Variants in SLC33A1 observed in about 807,000 individuals in gnomAD.
SLC33A1 encodes the protein solute carrier family 33 member 1.
A neutral mutation model predicts 50.0 loss-of-function variants in SLC33A1; 20 were observed. The ratio of observed to expected loss-of-function variants is 0.40; its 90% CI spans 0.28 to 0.58. The LOEUF is 0.58. Ranked by LOEUF, SLC33A1 falls within the 20% of genes least tolerant of loss-of-function variation. The pLI is 0.44. For synonymous variants in SLC33A1, 265 were observed against 251.8 expected, an observed-to-expected ratio of 1.05 and a Z score of -0.50; for missense variants, 476 against 657.0, an observed-to-expected ratio of 0.72 and a Z score of 3.01.
chr3:155,836,280 C>CAAAAAAAAAAAAAAAA (rs57460942), intron 2 of SLC33A1, among the ~76,000 whole-genome samples: 8 of 27,170 alleles, frequency 2.9e-4, no homozygotes, highest in Non-Finnish European at 5.1e-4. Flanking sequence ...GAGACTCTGT[C>CAAAAAAAAAAAAAAAA]AAAAAAAAAA....
At chr3:155,835,982 T>C (rs1301707047) in intron 2 of SLC33A1, among the ~76,000 whole-genome samples, 1 of 151,970 alleles carries the variant, frequency 6.6e-6, no homozygotes, top group Non-Finnish European at 1.5e-5. Context: ...CACAATTTTT[T>C]TTTTTTTAAA....
At chr3:155,840,767 T>C (rs1293146705) in intron 2 of SLC33A1, among the ~76,000 whole-genome samples, 1 of 151,994 alleles carries the variant, frequency 6.6e-6, no homozygotes, top group Admixed American at 6.6e-5. Flanking sequence ...TAAGCCGAGA[T>C]AGGGCCATTG....
In SLC33A1 at chr3:155,823,346, T is replaced by C. The variant is rs1752132046; in HGVS notation, c.*4864A>G. On this transcript the variant is annotated 3_prime_UTR_variant, in exon 6 of 6. Transcript: ENST00000643144. ...ACCAAATGGTGATTACATAAAAAAT[T>C]TGGCATTGTCAAATCAGGCAGATAC... The C allele has an allele frequency of 2.0e-5, 3 of 152,210 alleles. No homozygotes were observed. The South Asian group carries it at 6.2e-4, about 32-fold the overall frequency. 9.4% of individuals were successfully genotyped at this position (152,210 alleles called of 1,614,324 possible).
intron 1 of SLC33A1, among the ~76,000 whole-genome samples, chr3:155,852,091 T>C (rs776062300): frequency 4.6e-5 from 7 of 152,204 alleles, no homozygotes; most frequent in Admixed American, 2.0e-4. Context: ...ATTCCTGACA[T>C]TGTTATTCCT....
chr3:155,842,469 G>A lies in SLC33A1; in HGVS notation c.926C>T (p.Ala309Val). ...AATCAGAAGGCAAAATGTCAGAACT[G>A]CTGGCATTTTTATAATTGCAAAAAG... Reference protein sequence around the residue: ...KLLFAIIKMPAVLTFCLLILT... With the variant: ...KLLFAIIKMPVVLTFCLLILT... The change falls in exon 2 of 6, where the codon GCA becomes GTA. Residue 309 changes from alanine to valine, a missense_variant. Physicochemically the swap from Ala to Val is moderately conservative, Grantham distance 64. Coordinates refer to ENST00000643144, the MANE Select transcript of SLC33A1 (RefSeq NM_004733.4). The A allele has an allele frequency of 1.2e-6, 2 of 1,612,124 alleles. No individual in the cohort carries two copies. Among genetic ancestry groups the A allele is most frequent in the South Asian group, 2.2e-5 (2 of 90,896 alleles).
chr3:155,853,814 A>C lies in SLC33A1; in HGVS notation c.184T>G (p.Leu62Val). ...LLGDTGTGDFLKAPQSFRAEL... is the reference protein window; with the variant it reads ...LLGDTGTGDFVKAPQSFRAEL... Reference sequence around the variant, plus strand: ...GCCCGGAAGCTCTGTGGGGCTTTTAAGAAGTCGCCAGTGCCGGTATCCCCC... The same window carrying C: ...GCCCGGAAGCTCTGTGGGGCTTTTACGAAGTCGCCAGTGCCGGTATCCCCC... The change falls in exon 1 of 6, where the codon TTA (leucine) becomes GTA (valine). Residue 62 changes from leucine (L) to valine (V), a missense_variant. By Grantham distance (32) the Leu-to-Val change is conservative (BLOSUM62 1). Coordinates refer to ENST00000643144, the MANE Select transcript of SLC33A1 (RefSeq NM_004733.4). 1 of 1,611,274 alleles carries C rather than the reference A, an allele frequency of 6.2e-7. No homozygotes were observed. The highest frequency in any genetic ancestry group is 1.1e-5 in the South Asian group (1 of 91,018).
At chr3:155,842,382 G>T in intron 2 of SLC33A1, 50 bp downstream of exon 2, 2 of 1,172,040 alleles carry the variant, frequency 1.7e-6, no homozygotes, top group Non-Finnish European at 2.5e-6. Flanking sequence ...AGTATTCCAT[G>T]ATATTGATAC....
chr3:155,854,286 G>C lies in SLC33A1; in HGVS notation c.-289C>G, dbSNP rs1753538454. ...AGCAGCGCCGGGCTCGAGGCTGGAG[G>C]TGTGTGCCGTGGTGCCAGGATGGAA... On this transcript the variant is annotated 5_prime_UTR_variant, in exon 1 of 6. Coordinates refer to ENST00000643144, the MANE Select transcript of SLC33A1 (RefSeq NM_004733.4). The C allele has an allele frequency of 6.3e-6, 2 of 316,102 alleles. No individual in the cohort carries two copies. Among genetic ancestry groups the C allele is most frequent in the Middle Eastern group, 8.4e-4 (1 of 1,194 alleles). 19.6% of individuals were successfully genotyped at this position (316,102 alleles called of 1,614,324 possible).
At chr3:155,851,392 C>T (rs374199307) in intron 1 of SLC33A1, among the ~76,000 whole-genome samples, 5 of 143,790 alleles carry the variant, frequency 3.5e-5, no homozygotes, top group East Asian at 2.1e-4. Context: ...TACAGGCCTT[C>T]GCAAAACACC....
chr3:155,841,153 C>A (rs1241789322), intron 2 of SLC33A1, among the ~76,000 whole-genome samples: 1 of 151,974 alleles, frequency 6.6e-6, no homozygotes, highest in Non-Finnish European at 1.5e-5. Flanking sequence ...GCAAACTCCA[C>A]CTCCCAGGCT....
rs2109298526 is a variant in SLC33A1, at chr3:155,825,435, T to G, written c.*2775A>C. ...CCTCCTAAAGTGTTGTGATTACAGG[T>G]GTGAGCCACAGCATCCAGCCTAAGG... On this transcript the variant is annotated 3_prime_UTR_variant, in exon 6 of 6. Coordinates refer to ENST00000643144, the MANE Select transcript of SLC33A1 (RefSeq NM_004733.4). 1 of 152,278 alleles carries G rather than the reference T, an allele frequency of 6.6e-6. No homozygotes were observed. The highest frequency in any genetic ancestry group is 6.6e-5 in the Admixed American group (1 of 15,266). 9.4% of individuals were successfully genotyped at this position (152,278 alleles called of 1,614,324 possible). A position where few individuals can be genotyped will look rare whatever the true frequency, so the allele number is the denominator to read the frequency against.
At chr3:155,831,457 C>CAAAAAAAAAAAAAAAAAAAAA (rs397991448) in intron 4 of SLC33A1, among the ~76,000 whole-genome samples, 5 of 46,714 alleles carry the variant, frequency 1.1e-4, no homozygotes, top group Admixed American at 3.6e-4. Context: ...GACTCTGTCT[C>CAAAAAAAAAAAAAAAAAAAAA]AAAAAAAAAA....
At chr3:155,853,166 A>G in intron 1 of SLC33A1, 57 bp downstream of exon 1, 1 of 1,464,290 alleles carries the variant, frequency 6.8e-7, no homozygotes, top group Non-Finnish European at 9.6e-7. Context: ...CTCCAACGTC[A>G]CACACTCTTT....
At chr3:155,840,215 G>GT (rs1279558963) in intron 2 of SLC33A1, among the ~76,000 whole-genome samples, 1 of 151,336 alleles carries the variant, frequency 6.6e-6, no homozygotes, top group East Asian at 2.1e-4. Flanking sequence ...ATCCTCCCGA[G>GT]TAGCTGGGCT....
chr3:155,853,598 C>T lies in SLC33A1; in HGVS notation c.400G>A (p.Val134Ile). ...GATTTGCGACGACCGAAGTTCTTAACGTAGACCGCATCAACCAACGGGGCC... is the reference window on the plus strand; with the variant it reads ...GATTTGCGACGACCGAAGTTCTTAATGTAGACCGCATCAACCAACGGGGCC... ...LWAPLVDAVY[V>I]KNFGRRKSWL... Residue 134 changes from valine to isoleucine, a missense_variant, in exon 1 of 6, where the codon GTT (valine) becomes ATT (isoleucine). Val to Ile is a conservative substitution (Grantham distance 29). Transcript: ENST00000643144. The T allele has an allele frequency of 3.7e-6, 6 of 1,614,156 alleles. No homozygotes were observed. Among genetic ancestry groups the T allele is most frequent in the South Asian group, 1.1e-5 (1 of 91,084 alleles).
At chr3:155,850,685 C>T (rs1345090855) in intron 1 of SLC33A1, among the ~76,000 whole-genome samples, 2 of 151,418 alleles carry the variant, frequency 1.3e-5, no homozygotes, top group South Asian at 4.2e-4. Context: ...GGTGCGATCT[C>T]GGTTCACTGC....
rs1405726664 is a variant in SLC33A1 at position 155,824,794 on chromosome 3, G to A, written c.*3416C>T. ...CCAGAGTTTCACAAGCAATTCAGGG[G>A]TTTTTCCCACAGACATCAAAAACCT... On this transcript the variant is annotated 3_prime_UTR_variant, in exon 6 of 6. Transcript: ENST00000643144. 6.6e-6 allele frequency: 1 copy of A among 152,058 alleles called. No homozygotes were observed. Among genetic ancestry groups the A allele is most frequent in the Non-Finnish European group, 1.5e-5 (1 of 68,008 alleles). 9.4% of individuals were successfully genotyped at this position (152,058 alleles called of 1,614,324 possible). A position where few individuals can be genotyped will look rare whatever the true frequency, so the allele number is the denominator to read the frequency against.
At chr3:155,838,303 C>CAA (rs796782402) in intron 2 of SLC33A1, among the ~76,000 whole-genome samples, 35 of 130,648 alleles carry the variant, frequency 2.7e-4, no homozygotes, top group African/African-American at 8.8e-4. Flanking sequence ...AAATCCATCT[C>CAA]AAAAAAAAAA....
intron 1 of SLC33A1, 60 bp downstream of exon 1, chr3:155,853,163 G>T (rs367559769): frequency 1.4e-5 from 21 of 1,448,330 alleles, no homozygotes; most frequent in East Asian, 1.4e-4. Flanking sequence ...TCCCTCCAAC[G>T]TCACACACTC....
Sources: allele counts gnomAD v4.1 joint callset (sites outside exome capture counted in the v4.1 genomes callset), GRCh38; gene constraint gnomAD v4.1.1; transcripts MANE v1.5; gene names NCBI Gene and HGNC (gene_info 2026-07-23, HGNC 2026-07-21).